The following PRKCA variants were observed in gnomAD, a reference collection of about 807,000 sequenced individuals.
The protein encoded by PRKCA is protein kinase C alpha, also known as protein kinase C alpha type.
Under a neutral mutation model 87.0 loss-of-function variants are expected in PRKCA, and 27 were observed. That is an observed-to-expected ratio of 0.31 (90% CI 0.23 to 0.43). The LOEUF (loss-of-function observed/expected upper bound fraction) is 0.43, where lower values mean the gene tolerates loss of function less well. PRKCA is among the 20% of genes least tolerant of loss of function. The pLI is 1.00. For synonymous variants in PRKCA, 329 were observed against 311.1 expected (o/e 1.06, Z -0.61); for missense variants, 518 against 852.3 (o/e 0.61, Z 4.88).
intron 8 of PRKCA, among the ~76,000 whole-genome samples, chr17:66,700,534 A>G (rs1973034152): frequency 6.6e-6 from 1 of 152,210 alleles, no homozygotes; most frequent in Non-Finnish European, 1.5e-5. Context: ...ATGATCATAT[A>G]TATATATAGA....
intron 5 of PRKCA, among the ~76,000 whole-genome samples, chr17:66,656,930 A>G (rs1344494291): frequency 6.6e-6 from 1 of 152,190 alleles, no homozygotes; most frequent in Non-Finnish European, 1.5e-5. Context: ...AGCAAAAAAT[A>G]TGTATATATA....
intron 3 of PRKCA, among the ~76,000 whole-genome samples, chr17:66,549,141 GTTTT>G (rs538579897): frequency 4.3e-5 from 6 of 138,592 alleles, no homozygotes; most frequent in African/African-American, 1.6e-4. Context: ...GTTTATGGCA[GTTTT>G]TTTTTTTTTT....
intron 3 of PRKCA, among the ~76,000 whole-genome samples, chr17:66,497,779 A>G (rs1916542466): frequency 6.6e-6 from 1 of 152,188 alleles, no homozygotes; most frequent in South Asian, 2.1e-4. Flanking sequence ...GCAAGACTAA[A>G]TTCTTCCCTT....
At chr17:66,414,012 CAAAA>C (rs5821528) in intron 2 of PRKCA, among the ~76,000 whole-genome samples, 4 of 118,302 alleles carry the variant, frequency 3.4e-5, no homozygotes, top group Admixed American at 1.7e-4. Context: ...GACTGCATCT[CAAAA>C]AAAAAAAAAA....
chr17:66,777,248 A>T (rs1040790688), intron 14 of PRKCA: 7 of 985,384 alleles, frequency 7.1e-6, no homozygotes, highest in Non-Finnish European at 8.4e-6. Context: ...TGCCTCTAGG[A>T]TGGGAGGCTG....
intron 2 of PRKCA, among the ~76,000 whole-genome samples, chr17:66,358,566 G>A (rs1447024925): frequency 2.0e-5 from 3 of 150,266 alleles, no homozygotes; most frequent in East Asian, 3.9e-4. Flanking sequence ...AAGAAGAAAC[G>A]TAACTACCTT....
intron 3 of PRKCA, among the ~76,000 whole-genome samples, chr17:66,521,559 C>A (rs935797205): frequency 6.6e-6 from 1 of 151,626 alleles, no homozygotes; most frequent in African/African-American, 2.4e-5. Context: ...TAAACTGTGA[C>A]TTTTTTTTTC....
At chr17:66,798,425 G>GTGA (rs1975732834) in intron 16 of PRKCA, among the ~76,000 whole-genome samples, 2 of 137,402 alleles carry the variant, frequency 1.5e-5, no homozygotes, top group Non-Finnish European at 1.6e-5. Flanking sequence ...GGTGGTGGTG[G>GTGA]TGGTGGTGAC....
In PRKCA at chr17:66,438,090, A is replaced by T. The variant is rs146918628; in HGVS notation, c.206-58111A>T. Among the ~76,000 whole-genome samples the T allele has an allele frequency of 2.9e-3, 437 of 152,230 alleles. 3 individuals are homozygous for T. Among genetic ancestry groups the T allele is most frequent in the African/African-American group, 1.0e-2 (415 of 41,546 alleles). On this transcript the variant is annotated intron_variant, in intron 2 of 16. Coordinates refer to ENST00000413366, the MANE Select transcript of PRKCA (RefSeq NM_002737.3). ...ATGGGGAACAATGTCCTGAAAGAAC[A>T]GGGCTCAGGCAGCAGAAGAGCTGAG...
chr17:66,739,128 C>T (rs1003031217), intron 11 of PRKCA, among the ~76,000 whole-genome samples: 1 of 152,120 alleles, frequency 6.6e-6, no homozygotes, highest in Non-Finnish European at 1.5e-5. Context: ...GCTGTCTGCC[C>T]ACCTCGGCCT....
chr17:66,540,603 T>C (rs1967954379), intron 3 of PRKCA, among the ~76,000 whole-genome samples: 1 of 152,110 alleles, frequency 6.6e-6, no homozygotes, highest in Non-Finnish European at 1.5e-5. Context: ...ACTTTGTGAG[T>C]GCTCTGTGGT....
intron 2 of PRKCA, among the ~76,000 whole-genome samples, chr17:66,459,574 A>C (rs1451808265): frequency 6.6e-6 from 1 of 152,204 alleles, no homozygotes; most frequent in Non-Finnish European, 1.5e-5. Context: ...TTGCTCTCTA[A>C]AAGTGCCAGA....
intron 3 of PRKCA, among the ~76,000 whole-genome samples, chr17:66,603,324 G>T (rs1246104707): frequency 2.0e-5 from 3 of 152,144 alleles, no homozygotes; most frequent in African/African-American, 7.2e-5. Context: ...CATCGCAGAT[G>T]CTTCATGTGA....
chr17:66,508,007 G>A (rs1008361823), intron 3 of PRKCA, among the ~76,000 whole-genome samples: 3 of 152,164 alleles, frequency 2.0e-5, no homozygotes, highest in African/African-American at 7.2e-5. Flanking sequence ...CATTATAACT[G>A]TGTTATTTTA....
intron 2 of PRKCA, among the ~76,000 whole-genome samples, chr17:66,370,590 C>T (rs1281563643): frequency 6.3e-5 from 8 of 127,366 alleles, no homozygotes; most frequent in African/African-American, 1.6e-4. Flanking sequence ...CTCACTCTGT[C>T]GCCCAAGATG....
intron 5 of PRKCA, among the ~76,000 whole-genome samples, chr17:66,651,219 G>A (rs1971584538): frequency 6.6e-6 from 1 of 152,212 alleles, no homozygotes; most frequent in Admixed American, 6.5e-5. Flanking sequence ...GTTGGAGAGA[G>A]CTGGAGGGAA....
At chr17:66,334,390 C>G (rs1322951947) in intron 2 of PRKCA, among the ~76,000 whole-genome samples, 1 of 150,944 alleles carries the variant, frequency 6.6e-6, no homozygotes, top group Non-Finnish European at 1.5e-5. Flanking sequence ...ATTTTTTTTT[C>G]CTCATGTTAC....
At chr17:66,685,888 A>G (rs141224609) in intron 5 of PRKCA, among the ~76,000 whole-genome samples, 225 of 152,338 alleles carry the variant, frequency 1.5e-3, no homozygotes, top group Non-Finnish European at 2.6e-3. Context: ...CATCAGAATC[A>G]CCTGGAGGCT....
At chr17:66,704,730 A>G (rs959056157) in intron 8 of PRKCA, among the ~76,000 whole-genome samples, 4 of 152,334 alleles carry the variant, frequency 2.6e-5, no homozygotes, top group African/African-American at 9.6e-5. Context: ...TATTCAAGAG[A>G]AATATTTTGA....
Sources: allele counts gnomAD v4.1 joint callset (sites outside exome capture counted in the v4.1 genomes callset), GRCh38; gene constraint gnomAD v4.1.1; transcripts MANE v1.5; gene names NCBI Gene and HGNC (gene_info 2026-07-23, HGNC 2026-07-21).